Variants in SHISA6 observed in about 807,000 individuals in gnomAD.
The protein encoded by SHISA6 is protein shisa-6.
A neutral mutation model predicts 47.9 loss-of-function variants in SHISA6; 22 were observed. The observed-to-expected ratio is 0.46, with a 90% confidence interval of 0.33 to 0.66. SHISA6 has a LOEUF of 0.66. SHISA6 is among the 30% of genes least tolerant of loss of function. The pLI is 0.02. For synonymous variants in SHISA6, 388 were observed against 337.8 expected, an observed-to-expected ratio of 1.15 and a Z score of -1.63; for missense variants, 680 against 764.6, an observed-to-expected ratio of 0.89 and a Z score of 1.30.
intron 3 of SHISA6, among the ~76,000 whole-genome samples, chr17:11,430,759 C>T (rs541411013): frequency 1.3e-5 from 2 of 152,338 alleles, no homozygotes; most frequent in East Asian, 1.9e-4. Flanking sequence ...TACAGCATTA[C>T]TCAGAGGTAG....
intron 3 of SHISA6, among the ~76,000 whole-genome samples, chr17:11,526,969 C>G (rs369876994): frequency 1.4e-4 from 13 of 90,136 alleles, no homozygotes; most frequent in African/African-American, 5.6e-4. Flanking sequence ...TTAGGCTATC[C>G]ATCGCCTTGA....
chr17:11,309,316 C>G (rs1020229299), intron 2 of SHISA6, among the ~76,000 whole-genome samples: 1 of 152,206 alleles, frequency 6.6e-6, no homozygotes, highest in Non-Finnish European at 1.5e-5. Context: ...TGGCCTTCAT[C>G]ATTTAGGGAG....
At chr17:11,548,182 T>C (rs1444944061) in intron 3 of SHISA6, among the ~76,000 whole-genome samples, 4 of 152,162 alleles carry the variant, frequency 2.6e-5, no homozygotes, top group African/African-American at 2.4e-5. Flanking sequence ...CCTCCCAAAA[T>C]TGGTGTTGTG....
At chr17:11,501,345 CAG>C (rs1258725094) in intron 3 of SHISA6, among the ~76,000 whole-genome samples, 1 of 152,092 alleles carries the variant, frequency 6.6e-6, no homozygotes, top group Non-Finnish European at 1.5e-5. Flanking sequence ...CTCCTGACCT[CAG>C]GTGATCCACC....
intron 1 of SHISA6, among the ~76,000 whole-genome samples, chr17:11,252,889 C>G (rs1188856120): frequency 6.6e-6 from 1 of 152,200 alleles, no homozygotes; most frequent in African/African-American, 2.4e-5. Flanking sequence ...TTTGCTGCAT[C>G]TTGAGAAACT....
At chr17:11,283,749 G>A (rs903416447) in intron 2 of SHISA6, among the ~76,000 whole-genome samples, 2 of 152,198 alleles carry the variant, frequency 1.3e-5, no homozygotes, top group Non-Finnish European at 2.9e-5. Context: ...AAAGTAAGGT[G>A]CAGTTTTGGA....
rs972596973 is a variant in SHISA6 at position 11,562,275 on chromosome 17, C to T, written c.*3971C>T. On this transcript the variant is annotated 3_prime_UTR_variant, in exon 6 of 6. Coordinates refer to ENST00000441885, the MANE Select transcript of SHISA6 (RefSeq NM_207386.4). Reference sequence around the variant, plus strand: ...ACCAGCCTCCAACTTCATATTCCTTCCACAGGCAACTGTGCACTTGACCCA... The same window carrying T: ...ACCAGCCTCCAACTTCATATTCCTTTCACAGGCAACTGTGCACTTGACCCA... 2 of 152,062 alleles carry T rather than the reference C, an allele frequency of 1.3e-5. No individual in the cohort carries two copies. The highest frequency in any genetic ancestry group is 3.9e-4 in the East Asian group (2 of 5,140). The allele number at this position is 152,062 out of a possible 1,614,324, so 9.4% of individuals were successfully genotyped here.
Position 11,265,584 on chromosome 17 carries a change from C to A in SHISA6, c.799+2058C>A, listed in dbSNP as rs368640947. Among the ~76,000 whole-genome samples, 8 of 152,202 alleles carry A rather than the reference C, an allele frequency of 5.3e-5. No individual in the cohort carries two copies. The East Asian group carries it at 1.3e-3, about 26-fold the overall frequency. On this transcript the variant is annotated intron_variant, in intron 2 of 5. Coordinates refer to ENST00000441885, the MANE Select transcript of SHISA6 (RefSeq NM_207386.4). ...GTTGAACCCAACTCTGGTATTATCA[C>A]CACCTTTGAGTAGTGTATTTTGATT...
chr17:11,507,545 G>A (rs1393932797), intron 3 of SHISA6, among the ~76,000 whole-genome samples: 2 of 152,082 alleles, frequency 1.3e-5, no homozygotes, highest in Non-Finnish European at 2.9e-5. Flanking sequence ...CTCTTACTTT[G>A]CCACCCTGCA....
chr17:11,430,885 CACAGCACGAGG>C (rs1914753060), intron 3 of SHISA6, among the ~76,000 whole-genome samples: 1 of 152,202 alleles, frequency 6.6e-6, no homozygotes, highest in Non-Finnish European at 1.5e-5. Context: ...ACACACATAG[CACAGCACGAGG>C]CTTTTGAAAG....
At chr17:11,496,632 G>A (rs1243359298) in intron 3 of SHISA6, among the ~76,000 whole-genome samples, 2 of 152,016 alleles carry the variant, frequency 1.3e-5, no homozygotes, top group South Asian at 2.1e-4. Context: ...CCAGCTACTC[G>A]GGAGGCTGAG....
intron 3 of SHISA6, among the ~76,000 whole-genome samples, chr17:11,381,560 T>A (rs1197094439): frequency 6.6e-6 from 1 of 152,126 alleles, no homozygotes; most frequent in Non-Finnish European, 1.5e-5. Context: ...AGGAGGCCAG[T>A]CTGAGTACAG....
chr17:11,424,703 T>A (rs1479014121), intron 3 of SHISA6, among the ~76,000 whole-genome samples: 2 of 143,634 alleles, frequency 1.4e-5, no homozygotes, highest in African/African-American at 5.0e-5. Context: ...CTTATCTTTT[T>A]TTAAAATAAA....
intron 3 of SHISA6, among the ~76,000 whole-genome samples, chr17:11,464,156 GTCC>G (rs1225993390): frequency 1.3e-5 from 2 of 152,058 alleles, no homozygotes; most frequent in Non-Finnish European, 2.9e-5. Context: ...GGCTCAAACT[GTCC>G]TCCTGCCTCG....
intron 3 of SHISA6, among the ~76,000 whole-genome samples, chr17:11,471,291 A>T (rs1424571483): frequency 6.6e-6 from 1 of 151,766 alleles, no homozygotes; most frequent in Non-Finnish European, 1.5e-5. Context: ...GTACAGGAGC[A>T]ACTCAGATGG....
chr17:11,529,618 T>C (rs2071715756), intron 3 of SHISA6, among the ~76,000 whole-genome samples: 1 of 152,214 alleles, frequency 6.6e-6, no homozygotes, highest in African/African-American at 2.4e-5. Context: ...GCTCAAAAAT[T>C]GCTTTGTGAA....
At chr17:11,412,594 T>G (rs1029156891) in intron 3 of SHISA6, among the ~76,000 whole-genome samples, 2 of 151,652 alleles carry the variant, frequency 1.3e-5, no homozygotes, top group Non-Finnish European at 2.9e-5. Context: ...CAGGCTGGAG[T>G]GCAGTGGCGC....
chr17:11,497,556 G>C (rs1248459828), intron 3 of SHISA6, among the ~76,000 whole-genome samples: 1 of 152,174 alleles, frequency 6.6e-6, no homozygotes. Flanking sequence ...CTTGAACACA[G>C]CAATGAGAAA....
At chr17:11,468,624 G>C (rs1385264938) in intron 3 of SHISA6, among the ~76,000 whole-genome samples, 1 of 152,164 alleles carries the variant, frequency 6.6e-6, no homozygotes, top group Non-Finnish European at 1.5e-5. Context: ...ATTCTCACTG[G>C]AGAGAAGCTC....
Sources: allele counts gnomAD v4.1 joint callset (sites outside exome capture counted in the v4.1 genomes callset), GRCh38; gene constraint gnomAD v4.1.1; transcripts MANE v1.5; gene names NCBI Gene and HGNC (gene_info 2026-07-23, HGNC 2026-07-21).